The following MOB1B variants were observed in gnomAD, a reference collection of about 807,000 sequenced individuals.
MOB1B encodes the protein MOB1 Mps One Binder homolog B.
A neutral mutation model predicts 24.4 loss-of-function variants in MOB1B; 19 were observed. That is an observed-to-expected ratio of 0.78 (90% CI 0.54 to 1.14). The LOEUF (loss-of-function observed/expected upper bound fraction) is 1.14, where lower values mean the gene tolerates loss of function less well. Ranked by LOEUF, MOB1B falls within the 50% of genes most tolerant of loss-of-function variation. The probability of loss-of-function intolerance (pLI) is 0.00; values close to 1 mark genes in which losing one functional copy is unlikely to be tolerated. For missense variants in MOB1B, 243 were observed against 259.6 expected (o/e 0.94, Z 0.44); for synonymous variants, 76 against 82.1 (o/e 0.93, Z 0.40).
chr4:70,955,037 C>T (rs572028437), intron 1 of MOB1B, among the ~76,000 whole-genome samples: 1 of 152,274 alleles, frequency 6.6e-6, no homozygotes, highest in Admixed American at 6.5e-5. Flanking sequence ...CTGCCCGCCT[C>T]GGCCTCCCAA....
At chr4:70,957,247 G>A (rs190352415) in intron 1 of MOB1B, among the ~76,000 whole-genome samples, 1,460 of 132,548 alleles carry the variant, frequency 0.011, 31 homozygotes, top group African/African-American at 0.04. Context: ...GTGACAGAGC[G>A]AGACTATGTC....
intron 2 of MOB1B, among the ~76,000 whole-genome samples, chr4:70,962,704 T>C (rs1267960905): frequency 2.0e-5 from 3 of 151,916 alleles, no homozygotes; most frequent in Non-Finnish European, 2.9e-5. Flanking sequence ...TTAGACCTCA[T>C]GAAAATTTAA....
At chr4:70,957,564 C>G (rs142998544) in intron 1 of MOB1B, among the ~76,000 whole-genome samples, 15 of 151,782 alleles carry the variant, frequency 9.9e-5, no homozygotes, top group African/African-American at 3.4e-4. Context: ...CCTCCTTAGT[C>G]CCTAGCTGGG....
chr4:70,919,751 G>A (rs1021247462), intron 1 of MOB1B, among the ~76,000 whole-genome samples: 3 of 152,128 alleles, frequency 2.0e-5, no homozygotes, highest in Admixed American at 2.0e-4. Context: ...AGCCCGCCTC[G>A]GCCTCCCACA....
chr4:70,910,051 T>C (rs1285666581), intron 1 of MOB1B, among the ~76,000 whole-genome samples: 2 of 150,616 alleles, frequency 1.3e-5, no homozygotes, highest in East Asian at 3.9e-4. Context: ...CCCGGCCTTT[T>C]TTTTTTGGAG....
chr4:70,977,864 G>T (rs966121057), intron 4 of MOB1B, among the ~76,000 whole-genome samples: 1 of 152,004 alleles, frequency 6.6e-6, no homozygotes, highest in African/African-American at 2.4e-5. Flanking sequence ...CTAATTTCTA[G>T]TTTTTTGTAG....
At chr4:70,933,761 A>G (rs1452238092) in intron 1 of MOB1B, among the ~76,000 whole-genome samples, 1 of 152,040 alleles carries the variant, frequency 6.6e-6, no homozygotes, top group Admixed American at 6.6e-5. Context: ...CATGTTGGCC[A>G]GGCTGGTCTC....
chr4:70,979,928 G>T (rs983275950), intron 5 of MOB1B, among the ~76,000 whole-genome samples: 2 of 152,062 alleles, frequency 1.3e-5, no homozygotes, highest in Non-Finnish European at 2.9e-5. Context: ...CTAATAATAA[G>T]AGAAATAACA....
chr4:70,962,412 T>C (rs879113205), intron 2 of MOB1B, among the ~76,000 whole-genome samples: 11 of 152,210 alleles, frequency 7.2e-5, no homozygotes, highest in Non-Finnish European at 2.9e-5. Flanking sequence ...GCAGCTGATC[T>C]TGACAAAGAA....
In MOB1B at chr4:70,947,175, T is replaced by C. The variant is rs372178441; in HGVS notation, c.15-11699T>C. Among the ~76,000 whole-genome samples, 8 of 152,318 alleles carry C rather than the reference T, an allele frequency of 5.3e-5. No individual in the cohort carries two copies. The East Asian group carries it at 1.4e-3, about 26-fold the overall frequency. ...TTCCCTAAGCTTAAAACTAAAAAATTGGGGATGATATCACCAGTTTTGCAG... is the reference window on the plus strand; with the variant it reads ...TTCCCTAAGCTTAAAACTAAAAAATCGGGGATGATATCACCAGTTTTGCAG... On this transcript the variant is annotated intron_variant, in intron 1 of 5. Coordinates refer to ENST00000309395, the MANE Select transcript of MOB1B (RefSeq NM_173468.4).
intron 1 of MOB1B, among the ~76,000 whole-genome samples, chr4:70,923,259 G>A (rs1348833938): frequency 1.3e-5 from 2 of 152,178 alleles, no homozygotes; most frequent in Non-Finnish European, 2.9e-5. Context: ...ACCTCTGCAA[G>A]AGCATCCTCT....
chr4:70,949,245 TAATGGTAAC>T (rs1323960269), intron 1 of MOB1B, among the ~76,000 whole-genome samples: 15 of 152,234 alleles, frequency 9.9e-5, no homozygotes, highest in African/African-American at 3.6e-4. Context: ...CTTACTCACT[TAATGGTAAC>T]AATAGTAGCA....
At chr4:70,942,186 T>C (rs1344590000) in intron 1 of MOB1B, among the ~76,000 whole-genome samples, 2 of 152,268 alleles carry the variant, frequency 1.3e-5, no homozygotes, top group South Asian at 4.1e-4. Flanking sequence ...TCAAATCAGC[T>C]GCATTTGAAG....
intron 1 of MOB1B, among the ~76,000 whole-genome samples, chr4:70,929,133 A>G (rs1736772566): frequency 6.6e-6 from 1 of 151,408 alleles, no homozygotes; most frequent in African/African-American, 2.4e-5. Context: ...GTACTTCCAA[A>G]TAATTTCTGT....
At chr4:70,948,736 C>T (rs1008398495) in intron 1 of MOB1B, among the ~76,000 whole-genome samples, 7 of 152,056 alleles carry the variant, frequency 4.6e-5, no homozygotes, top group African/African-American at 1.4e-4. Context: ...TATTGGTTTG[C>T]TTCTTGGTGA....
rs1414177630 is a variant in MOB1B at position 70,905,363 on chromosome 4, CT to C, written c.14+2814del. On this transcript the variant is annotated intron_variant, in intron 1 of 5. Transcript: ENST00000309395. ...AGGTGATCCTTTCATCTCAAACCCC[CT>C]CCCCGCTACAAGTAGCTGGTACTAC... is the stretch of plus-strand genomic sequence containing the variant. Among the ~76,000 whole-genome samples, 8 of 152,102 alleles carry C rather than the reference CT, an allele frequency of 5.3e-5. No individual in the cohort carries two copies. In the East Asian group the frequency reaches 1.5e-3, roughly 29 times the overall value.
In MOB1B at chr4:70,986,727, T is replaced by C. The variant is rs1301500071; in HGVS notation, c.*4670T>C. On this transcript the variant is annotated 3_prime_UTR_variant, in exon 6 of 6. Transcript: ENST00000309395. ...ACTGTTGTTCAGCTATCACCTTAATTGTGTATGATATGATAAATGTTTAGC... is the reference window on the plus strand; with the variant it reads ...ACTGTTGTTCAGCTATCACCTTAATCGTGTATGATATGATAAATGTTTAGC... 6.6e-6 allele frequency: 1 copy of C among 152,168 alleles called. No homozygotes were observed. The highest frequency in any genetic ancestry group is 2.4e-5 in the African/African-American group (1 of 41,454). 9.4% of individuals were successfully genotyped at this position (152,168 alleles called of 1,614,324 possible).
chr4:70,984,470 G>T lies in MOB1B; in HGVS notation c.*2413G>T, dbSNP rs1739317308. ...GCTTTGTTCTGCAGCAGAGTTTGCT[G>T]ATAAATGTCTGTTGGATTCTTTTTG... On this transcript the variant is annotated 3_prime_UTR_variant, in exon 6 of 6. Coordinates refer to ENST00000309395, the MANE Select transcript of MOB1B (RefSeq NM_173468.4). 1 of 152,156 alleles carries T rather than the reference G, an allele frequency of 6.6e-6. No homozygotes were observed. Among genetic ancestry groups the T allele is most frequent in the Admixed American group, 6.5e-5 (1 of 15,272 alleles). The allele number at this position is 152,156 out of a possible 1,614,324, so 9.4% of individuals were successfully genotyped here. A position where few individuals can be genotyped will look rare whatever the true frequency, so the allele number is the denominator to read the frequency against.
At chr4:70,925,051 T>G (rs1376850930) in intron 1 of MOB1B, among the ~76,000 whole-genome samples, 1 of 152,162 alleles carries the variant, frequency 6.6e-6, no homozygotes, top group Non-Finnish European at 1.5e-5. Context: ...TTATTTTTAT[T>G]TTATTTTTTT....
Sources: gnomAD v4.1 joint callset for allele counts (sites outside exome capture counted in the v4.1 genomes callset) on GRCh38, gnomAD v4.1.1 for gene constraint, MANE v1.5 for transcripts, NCBI Gene and HGNC (gene_info 2026-07-23, HGNC 2026-07-21) for gene names.